Variants in NOL10 observed in about 807,000 individuals in gnomAD.
NOL10 encodes the protein H_NH0074G24.1.
A neutral mutation model predicts 103.5 loss-of-function variants in NOL10; 58 were observed. The observed-to-expected ratio is 0.56, with a 90% CI of 0.45 to 0.70. The LOEUF is 0.70. Ranked by LOEUF, NOL10 falls within the 30% of genes least tolerant of loss-of-function variation. The pLI, the probability that NOL10 is intolerant of heterozygous loss-of-function variation, is 0.00. For missense variants in NOL10, 763 were observed against 807.3 expected (o/e 0.95, Z 0.67); for synonymous variants, 287 against 282.5 (o/e 1.02, Z -0.16).
intron 17 of NOL10, among the ~76,000 whole-genome samples, chr2:10,600,140 C>T (rs964285275): frequency 6.6e-6 from 1 of 152,180 alleles, no homozygotes; most frequent in Non-Finnish European, 1.5e-5. Context: ...CATAACCAAG[C>T]TTGGCTATCT....
chr2:10,617,478 T>C (rs1161114543), intron 13 of NOL10, among the ~76,000 whole-genome samples: 1 of 152,112 alleles, frequency 6.6e-6, no homozygotes, highest in Non-Finnish European at 1.5e-5. Flanking sequence ...TCCAGGACAG[T>C]CACTAAACAA....
At chr2:10,665,895 C>T (rs756405695) in intron 8 of NOL10, among the ~76,000 whole-genome samples, 6 of 152,160 alleles carry the variant, frequency 3.9e-5, no homozygotes, top group Non-Finnish European at 7.3e-5. Flanking sequence ...ACAACTTCAA[C>T]TTCTTTGTTA....
intron 12 of NOL10, among the ~76,000 whole-genome samples, chr2:10,645,501 A>C (rs924074976): frequency 6.6e-6 from 1 of 151,602 alleles, no homozygotes; most frequent in African/African-American, 2.4e-5. Context: ...GAATAGAGTC[A>C]ATTACCACTC....
chr2:10,577,520 G>C (rs1350638275), intron 20 of NOL10, 116 bp downstream of exon 20: 2 of 746,090 alleles, frequency 2.7e-6, no homozygotes, highest in African/African-American at 1.8e-5. Flanking sequence ...AGGGAACACA[G>C]CTTCCTCAAT....
intron 19 of NOL10, among the ~76,000 whole-genome samples, chr2:10,585,402 T>TA (rs1325547993): frequency 1.3e-5 from 2 of 151,876 alleles, no homozygotes; most frequent in Admixed American, 1.3e-4. Context: ...AGGCTAAACA[T>TA]AGAGTTACTA....
chr2:10,602,699 GATTT>G (rs1676042693), intron 16 of NOL10, 73 bp downstream of exon 16: 2 of 884,970 alleles, frequency 2.3e-6, no homozygotes, highest in Non-Finnish European at 3.5e-6. Context: ...AAGAATGGCA[GATTT>G]CTTTGGAATA....
chr2:10,572,322 TC>T, intron 20 of NOL10, 132 bp from the exon 21 acceptor site: 1 of 965,826 alleles, frequency 1.0e-6, no homozygotes, highest in Non-Finnish European at 1.6e-6. Context: ...GCCCACAGGC[TC>T]CAGGGGACAT....
At chr2:10,654,849 T>C (rs997804915) in intron 11 of NOL10, among the ~76,000 whole-genome samples, 1 of 152,158 alleles carries the variant, frequency 6.6e-6, no homozygotes, top group Non-Finnish European at 1.5e-5. Flanking sequence ...GTTTGAATTA[T>C]GCATCAACTT....
chr2:10,637,204 A>AC (rs1213479284), intron 13 of NOL10, among the ~76,000 whole-genome samples: 1 of 150,568 alleles, frequency 6.6e-6, no homozygotes, highest in East Asian at 1.9e-4. Flanking sequence ...AAAAAAAAAA[A>AC]AAAAAAAAAC....
At chr2:10,591,378 G>C (rs2024433) in intron 17 of NOL10, among the ~76,000 whole-genome samples, 52,687 of 151,978 alleles carry the variant, frequency 0.35, 9,541 homozygotes, top group Non-Finnish European at 0.4. Flanking sequence ...AGGGGCCCTG[G>C]GGGGTGCAGC....
At position 10,580,622 on chromosome 2, in the gene NOL10, A is replaced by T. The variant is rs561755422; in HGVS notation, c.1845-2884T>A. Among the ~76,000 whole-genome samples, 13 of 152,336 alleles carry T rather than the reference A, an allele frequency of 8.5e-5. No homozygotes were observed. The South Asian group carries it at 2.5e-3, about 29-fold the overall frequency. On this transcript the variant is annotated intron_variant, in intron 19 of 20. Coordinates refer to ENST00000381685, the MANE Select transcript of NOL10 (RefSeq NM_024894.4). ...AGGGGAAGAACCTAAATTATTAGTA[A>T]ATTTATCTTAAAATAAAAAGGAAAG...
At chr2:10,673,358 A>G (rs1310784499) in intron 5 of NOL10, 162 bp downstream of exon 5, 2 of 446,832 alleles carry the variant, frequency 4.5e-6, no homozygotes, top group Non-Finnish European at 8.1e-6. Context: ...ATAAAAAATG[A>G]TGGGTTACAT....
intron 13 of NOL10, among the ~76,000 whole-genome samples, chr2:10,623,207 G>C (rs1003520440): frequency 2.1e-5 from 2 of 94,770 alleles, no homozygotes; most frequent in Non-Finnish European, 4.1e-5. Context: ...TCTAGTTAAA[G>C]CAAAAGTAAA....
At chr2:10,622,208 A>T (rs188824355) in intron 13 of NOL10, 3 of 470,986 alleles carry the variant, frequency 6.4e-6, no homozygotes, top group Admixed American at 4.7e-5. Flanking sequence ...AAAGTATGAT[A>T]TATCTACACA....
At chr2:10,615,416 G>A (rs4997809) in intron 13 of NOL10, among the ~76,000 whole-genome samples, 89,485 of 151,494 alleles carry the variant, frequency 0.59, 27,392 homozygotes, top group African/African-American at 0.74. Context: ...GTCAATTTTT[G>A]TGACACTATG....
chr2:10,590,007 T>C (rs1234126240), intron 17 of NOL10, among the ~76,000 whole-genome samples: 1 of 152,176 alleles, frequency 6.6e-6, no homozygotes, highest in East Asian at 1.9e-4. Flanking sequence ...GAGCCAAGAA[T>C]GACCCTTTTG....
Position 10,587,214 on chromosome 2 carries a change from T to C in NOL10, c.1844+1829A>G, listed in dbSNP as rs1344467696. ...ATACACATATATATACACATATATATATACATATATATACATATATATATA... is the reference window on the plus strand; with the variant it reads ...ATACACATATATATACACATATATACATACATATATATACATATATATATA... On this transcript the variant is annotated intron_variant, in intron 19 of 20. Coordinates refer to ENST00000381685, the MANE Select transcript of NOL10 (RefSeq NM_024894.4). Among the ~76,000 whole-genome samples the C allele has an allele frequency of 1.7e-4, 10 of 57,824 alleles. 2 individuals are homozygous for C. The highest frequency in any genetic ancestry group is 2.4e-4 in the Non-Finnish European group (8 of 33,544). The allele number at this position is 57,824 out of a possible 152,430, so 37.9% of individuals were successfully genotyped here.
intron 13 of NOL10, among the ~76,000 whole-genome samples, chr2:10,619,032 AAGC>A (rs1181626091): frequency 4.6e-5 from 7 of 152,254 alleles, no homozygotes; most frequent in Non-Finnish European, 5.9e-5. Flanking sequence ...CTTTGAACTT[AAGC>A]AGGATTCAGA....
At chr2:10,676,934 G>A (rs778086538) in intron 3 of NOL10, among the ~76,000 whole-genome samples, 2 of 139,510 alleles carry the variant, frequency 1.4e-5, no homozygotes, top group Non-Finnish European at 3.1e-5. Context: ...CATCGAGGCC[G>A]GCCTCTTTTT....
Sources: gnomAD v4.1 joint callset for allele counts (sites outside exome capture counted in the v4.1 genomes callset) on GRCh38, gnomAD v4.1.1 for gene constraint, MANE v1.5 for transcripts, NCBI Gene and HGNC (gene_info 2026-07-23, HGNC 2026-07-21) for gene names.